SLC14A2: variants seen among roughly 807,000 people sequenced by gnomAD.
SLC14A2 encodes the protein urea transporter 2.
Under a neutral mutation model 104.6 loss-of-function variants are expected in SLC14A2, and 91 were observed. The ratio of observed to expected loss-of-function variants is 0.87; its 90% CI spans 0.73 to 1.04. The LOEUF (loss-of-function observed/expected upper bound fraction) is 1.04. SLC14A2 is among the 50% of genes least tolerant of loss of function. The probability of loss-of-function intolerance (pLI) is 0.00; values close to 1 mark genes in which losing one functional copy is unlikely to be tolerated. For missense variants in SLC14A2, 1,189 were observed against 1,156.0 expected (o/e 1.03, Z -0.41); for synonymous variants, 476 against 466.4 (o/e 1.02, Z -0.27).
chr18:45,650,793 G>GC (rs1468467193), intron 10 of SLC14A2, among the ~76,000 whole-genome samples: 1 of 152,108 alleles, frequency 6.6e-6, no homozygotes, highest in Admixed American at 6.5e-5. Context: ...AGGCTGGAGT[G>GC]CAATGGCACG....
chr18:45,667,075 G>A lies in SLC14A2; in HGVS notation c.1698G>A (p.Glu566=). ...GCTACATCACAGGAGAGATGAAGGA[G>A]TGTGGAGAGGGACTTAAAGGTAAAA... ...ALSYITGEMK[E]CGEGLKDKSP... is the part of the protein sequence containing the mutation. The change falls in exon 13 of 20, where the codon GAG becomes GAA. Residue 566 remains glutamate (E), a synonymous_variant. Transcript: ENST00000255226. 2 of 1,613,812 alleles carry A rather than the reference G, an allele frequency of 1.2e-6. No homozygotes were observed. Among genetic ancestry groups the A allele is most frequent in the Non-Finnish European group, 1.7e-6 (2 of 1,179,804 alleles).
chr18:45,366,185 T>C (rs2085663966), intron 1 of SLC14A2, among the ~76,000 whole-genome samples: 1 of 152,142 alleles, frequency 6.6e-6, no homozygotes. Flanking sequence ...CCCAAGCACC[T>C]TGACTTCCTC....
At chr18:45,623,189 A>G (rs2144497736) in intron 1 of SLC14A2, among the ~76,000 whole-genome samples, 1 of 152,260 alleles carries the variant, frequency 6.6e-6, no homozygotes, top group African/African-American at 2.4e-5. Context: ...AAGTGGCCAG[A>G]GGAGAGATCT....
At chr18:45,366,091 T>G (rs751819591) in intron 1 of SLC14A2, among the ~76,000 whole-genome samples, 4 of 152,150 alleles carry the variant, frequency 2.6e-5, no homozygotes, top group African/African-American at 9.7e-5. Context: ...TTTTAGTTTT[T>G]CTTTTCCAAA....
At chr18:45,454,570 T>A (rs975341188) in intron 1 of SLC14A2, among the ~76,000 whole-genome samples, 1 of 152,226 alleles carries the variant, frequency 6.6e-6, no homozygotes, top group Non-Finnish European at 1.5e-5. Flanking sequence ...AGACATGAAG[T>A]CTTTTCCCAT....
intron 15 of SLC14A2, 45 bp downstream of exon 15, chr18:45,668,522 CAA>C (rs1243650558): frequency 1.2e-6 from 2 of 1,607,398 alleles, no homozygotes; most frequent in African/African-American, 2.7e-5. Context: ...CAATGGCCAC[CAA>C]CCTTTTCATC....
At chr18:45,236,508 T>C (rs1411287747) in intron 1 of SLC14A2, among the ~76,000 whole-genome samples, 2 of 91,882 alleles carry the variant, frequency 2.2e-5, no homozygotes, top group Admixed American at 1.1e-4. Flanking sequence ...TATACATGTA[T>C]GTGTGTATAT....
At chr18:45,592,240 T>C (rs2044658707) in intron 2 of SLC14A2, among the ~76,000 whole-genome samples, 1 of 152,130 alleles carries the variant, frequency 6.6e-6, no homozygotes, top group South Asian at 2.1e-4. Flanking sequence ...TAATGTAAAA[T>C]GAGAAAATTA....
intron 2 of SLC14A2, among the ~76,000 whole-genome samples, chr18:45,537,259 TAATA>T (rs1353273708): frequency 6.6e-6 from 1 of 151,846 alleles, no homozygotes; most frequent in African/African-American, 2.4e-5. Flanking sequence ...GTAAGAAACA[TAATA>T]AATAAATCAT....
At chr18:45,464,189 C>G (rs369817371) in intron 1 of SLC14A2, among the ~76,000 whole-genome samples, 11 of 152,198 alleles carry the variant, frequency 7.2e-5, no homozygotes, top group Non-Finnish European at 1.6e-4. Flanking sequence ...TCCTCAGGAA[C>G]CTAAATATCT....
At chr18:45,679,982 A>T (rs922508663) in intron 19 of SLC14A2, among the ~76,000 whole-genome samples, 1 of 152,132 alleles carries the variant, frequency 6.6e-6, no homozygotes, top group Non-Finnish European at 1.5e-5. Flanking sequence ...TATTATCTTT[A>T]TCTCCAGTAT....
intron 1 of SLC14A2, among the ~76,000 whole-genome samples, chr18:45,269,449 G>A (rs142805076): frequency 6.8e-4 from 103 of 152,090 alleles, no homozygotes; most frequent in African/African-American, 2.4e-3. Context: ...ACAGCCCCCA[G>A]CGTCACTGTC....
At chr18:45,579,843 T>C (rs1355528641) in intron 2 of SLC14A2, among the ~76,000 whole-genome samples, 3 of 152,154 alleles carry the variant, frequency 2.0e-5, no homozygotes, top group Admixed American at 6.5e-5. Context: ...GGGAAAGTCT[T>C]TGCAGCTAAA....
chr18:45,436,251 G>T (rs1255337440), intron 1 of SLC14A2, among the ~76,000 whole-genome samples: 2 of 152,176 alleles, frequency 1.3e-5, no homozygotes, highest in Admixed American at 1.3e-4. Flanking sequence ...GAGGCAATCA[G>T]GTCAATGTGC....
chr18:45,187,545 G>A, the SLC14A2 span, among the ~76,000 whole-genome samples: 2 of 152,138 alleles, frequency 1.3e-5, no homozygotes, highest in Non-Finnish European at 2.9e-5. Flanking sequence ...ACTAGAGGCT[G>A]AGAAGGAGAT....
chr18:45,395,858 T>C (rs1837017790), intron 1 of SLC14A2, among the ~76,000 whole-genome samples: 1 of 152,104 alleles, frequency 6.6e-6, no homozygotes, highest in South Asian at 2.1e-4. Context: ...CCCTAACTAT[T>C]CTCTCTGCCC....
intron 1 of SLC14A2, among the ~76,000 whole-genome samples, chr18:45,439,737 A>ACAT (rs2086653281): frequency 6.6e-6 from 1 of 152,334 alleles, no homozygotes; most frequent in South Asian, 2.1e-4. Flanking sequence ...CACCACATCC[A>ACAT]CATCAGCACA....
rs573204007 is a variant in SLC14A2 at position 45,409,244 on chromosome 18, G to A, written c.-124-73989G>A. ...ATAATCTACTGCAAGGAGCTGTTAT[G>A]AGTACTAAGCAAGATATTTTAGATG... On this transcript the variant is annotated intron_variant, in intron 1 of 20. Transcript: ENST00000586448. 3.9e-5 allele frequency among the ~76,000 whole-genome samples: 6 copies of A among 152,288 alleles called. No individual in the cohort carries two copies. In the South Asian group the frequency reaches 8.3e-4, roughly 21 times the overall value.
the SLC14A2 span, among the ~76,000 whole-genome samples, chr18:45,198,501 C>T: frequency 6.6e-6 from 1 of 152,078 alleles, no homozygotes; most frequent in Admixed American, 6.6e-5. Context: ...AAGTCTTATT[C>T]TGTAGCTTGC....
Sources: gnomAD v4.1 joint callset for allele counts (sites outside exome capture counted in the v4.1 genomes callset) on GRCh38, gnomAD v4.1.1 for gene constraint, MANE v1.5 for transcripts, NCBI Gene and HGNC (gene_info 2026-07-23, HGNC 2026-07-21) for gene names.